The following RXFP1 variants were observed in gnomAD, a reference collection of about 807,000 sequenced individuals.
RXFP1 encodes relaxin family peptide receptor 1.
A neutral mutation model predicts 89.8 loss-of-function variants in RXFP1; 73 were observed. That is an observed-to-expected ratio of 0.81 (90% confidence interval 0.67 to 0.99). The LOEUF is 0.99. Among genes scored for constraint, RXFP1 ranks in the 50% least tolerant of loss-of-function variants. The pLI is 0.00. For missense variants in RXFP1, 793 were observed against 895.5 expected (o/e 0.89, Z 1.46); for synonymous variants, 277 against 305.5 (o/e 0.91, Z 0.97).
intron 1 of RXFP1, among the ~76,000 whole-genome samples, chr4:158,569,385 T>C (rs1199172819): frequency 6.6e-6 from 1 of 152,214 alleles, no homozygotes; most frequent in Non-Finnish European, 1.5e-5. Flanking sequence ...ACCCATAGAA[T>C]GTATAACATC....
chr4:158,561,461 T>C (rs1752406996), intron 1 of RXFP1, among the ~76,000 whole-genome samples: 1 of 152,166 alleles, frequency 6.6e-6, no homozygotes, highest in South Asian at 2.1e-4. Context: ...ATAAAGTATA[T>C]ATGAAACAAA....
At chr4:158,633,910 C>G (rs1422505839) in intron 12 of RXFP1, among the ~76,000 whole-genome samples, 1 of 152,132 alleles carries the variant, frequency 6.6e-6, no homozygotes, top group African/African-American at 2.4e-5. Context: ...ATATGTATTG[C>G]AGTGTTTATT....
chr4:158,605,333 A>G, intron 5 of RXFP1, among the ~76,000 whole-genome samples, 194 bp downstream of exon 5: 1 of 152,186 alleles, frequency 6.6e-6, no homozygotes, highest in East Asian at 1.9e-4. Flanking sequence ...ACCATTCTAG[A>G]AAAACCTCAG....
chr4:158,527,271 G>A (rs1742748213), intron 1 of RXFP1, among the ~76,000 whole-genome samples: 1 of 152,082 alleles, frequency 6.6e-6, no homozygotes, highest in Non-Finnish European at 1.5e-5. Flanking sequence ...GGCCAGGCAT[G>A]GTGGCTCACG....
intron 2 of RXFP1, among the ~76,000 whole-genome samples, chr4:158,587,033 G>A (rs1285251277): frequency 2.0e-5 from 3 of 152,176 alleles, no homozygotes; most frequent in Non-Finnish European, 1.5e-5. Context: ...TTTCCTAGCA[G>A]CAGTGAAACA....
intron 1 of RXFP1, among the ~76,000 whole-genome samples, chr4:158,537,049 C>T (rs982114570): frequency 1.3e-5 from 2 of 149,906 alleles, no homozygotes; most frequent in Non-Finnish European, 1.5e-5. Context: ...TTTTTGACAA[C>T]GCAATTACTT....
chr4:158,525,001 C>G (rs1031919979), intron 1 of RXFP1, among the ~76,000 whole-genome samples: 6 of 152,128 alleles, frequency 3.9e-5, no homozygotes, highest in African/African-American at 1.4e-4. Flanking sequence ...GCTACCTGGC[C>G]TTTGCTTTGG....
At chr4:158,528,730 G>A (rs1276324644) in intron 1 of RXFP1, among the ~76,000 whole-genome samples, 1 of 152,196 alleles carries the variant, frequency 6.6e-6, no homozygotes, top group Non-Finnish European at 1.5e-5. Flanking sequence ...AAATGAGACA[G>A]CATTGCTACA....
At chr4:158,572,642 G>A (rs1357307173) in intron 1 of RXFP1, 56 bp from the exon 2 acceptor site, 9 of 1,501,370 alleles carry the variant, frequency 6.0e-6, no homozygotes, top group Non-Finnish European at 5.6e-6. Flanking sequence ...ACTGCTCTTT[G>A]CCACGCCTTT....
rs1337846458 is a variant in RXFP1 at position 158,651,906 on chromosome 4, G to T, written c.2125G>T (p.Gly709Cys). The T allele has an allele frequency of 6.2e-7, 1 of 1,613,988 alleles. No individual in the cohort carries two copies. Among genetic ancestry groups the T allele is most frequent in the African/African-American group, 1.3e-5 (1 of 74,888 alleles). The change falls in exon 18 of 18, where the codon GGT (glycine) becomes TGT (cysteine). Residue 709 changes from glycine (G) to cysteine (C), a missense_variant. Coordinates refer to ENST00000307765, the MANE Select transcript of RXFP1 (RefSeq NM_021634.4). ...ACAAAGAAAATCTATGGACAGCAAA[G>T]GTCAGAAAACATATGCTCCATCATT... ...YRQRKSMDSK[G>C]QKTYAPSFIW...
intron 1 of RXFP1, among the ~76,000 whole-genome samples, chr4:158,568,150 G>A (rs1754119949): frequency 6.6e-6 from 1 of 152,128 alleles, no homozygotes; most frequent in Non-Finnish European, 1.5e-5. Flanking sequence ...GAACCCACCA[G>A]AAGGAAGAAA....
chr4:158,632,145 G>T (rs1397170941), intron 11 of RXFP1, among the ~76,000 whole-genome samples: 1 of 152,128 alleles, frequency 6.6e-6, no homozygotes, highest in Non-Finnish European at 1.5e-5. Flanking sequence ...TGGAATTTTT[G>T]AGTAATTCCT....
At chr4:158,599,920 T>G (rs1207424312) in intron 4 of RXFP1, among the ~76,000 whole-genome samples, 1 of 152,210 alleles carries the variant, frequency 6.6e-6, no homozygotes, top group Non-Finnish European at 1.5e-5. Flanking sequence ...CTGAATCACA[T>G]TTTGAGTCAT....
intron 2 of RXFP1, among the ~76,000 whole-genome samples, chr4:158,591,173 T>G (rs937594645): frequency 1.3e-5 from 2 of 152,194 alleles, no homozygotes; most frequent in African/African-American, 4.8e-5. Flanking sequence ...TACCAACTTC[T>G]GAAGAATACG....
At position 158,593,447 on chromosome 4, in the gene RXFP1, T is replaced by G. The variant is rs61736123; in HGVS notation, c.234T>G (p.Ser78Arg). 343 of 1,612,440 alleles carry G rather than the reference T, an allele frequency of 2.1e-4. No individual in the cohort carries two copies. The highest frequency in any genetic ancestry group is 2.8e-4 in the Non-Finnish European group (333 of 1,179,058). ...WSLQFDKYFA[S>R]YYKMTSQYPF... The stretch of plus-strand genomic sequence containing the variant: ...TGCAATTTGACAAATATTTTGCCAG[T>G]TACTACAAAATGACTTCCCAATATC... Residue 78 changes from serine (S) to arginine (R), a missense_variant, in exon 3 of 18, where the codon AGT becomes AGG. By Grantham distance (110) the Ser-to-Arg change is moderately radical. Transcript: ENST00000307765.
At chr4:158,647,311 C>A in intron 16 of RXFP1, 110 bp downstream of exon 16, 1 of 872,648 alleles carries the variant, frequency 1.1e-6, no homozygotes, top group East Asian at 2.7e-5. Context: ...CAAGGATTTT[C>A]CTCCCCAAAT....
intron 1 of RXFP1, among the ~76,000 whole-genome samples, chr4:158,566,209 T>C (rs1356403394): frequency 1.3e-5 from 2 of 152,180 alleles, no homozygotes; most frequent in African/African-American, 4.8e-5. Context: ...TCTATTTACA[T>C]AGGAAAATAT....
chr4:158,524,914 T>C (rs1742110557), intron 1 of RXFP1, among the ~76,000 whole-genome samples: 1 of 152,196 alleles, frequency 6.6e-6, no homozygotes, highest in Admixed American at 6.5e-5. Flanking sequence ...ATAAGCTTGA[T>C]CCACTTTAGT....
At chr4:158,621,549 A>G (rs1224232036) in intron 9 of RXFP1, among the ~76,000 whole-genome samples, 2 of 152,228 alleles carry the variant, frequency 1.3e-5, no homozygotes, top group Non-Finnish European at 2.9e-5. Context: ...AGCTTTGTAA[A>G]TATCATAAGA....
Sources: gnomAD v4.1 joint callset for allele counts (sites outside exome capture counted in the v4.1 genomes callset) on GRCh38, gnomAD v4.1.1 for gene constraint, MANE v1.5 for transcripts, NCBI Gene and HGNC (gene_info 2026-07-23, HGNC 2026-07-21) for gene names.